The following MSL2 variants were observed in gnomAD, a reference collection of about 807,000 sequenced individuals.
MSL2 encodes the protein E3 ubiquitin-protein ligase MSL2.
A neutral mutation model predicts 35.8 loss-of-function variants in MSL2; 2 were observed. That is an observed-to-expected ratio of 0.06 (90% CI 0.02 to 0.18). The LOEUF (loss-of-function observed/expected upper bound fraction) is 0.18. MSL2 is among the 10% of genes least tolerant of loss of function. MSL2 has a pLI of 1.00. For missense variants in MSL2, 523 were observed against 706.7 expected, an observed-to-expected ratio of 0.74 and a Z score of 2.95; for synonymous variants, 296 against 255.7, an observed-to-expected ratio of 1.16 and a Z score of -1.50.
chr3:136,187,200 G>C (rs1940550071), intron 1 of MSL2, among the ~76,000 whole-genome samples: 2 of 152,152 alleles, frequency 1.3e-5, no homozygotes, highest in South Asian at 4.1e-4. Flanking sequence ...TTTATAACGA[G>C]ATAAACCCAA....
chr3:136,165,898 T>C (rs1939832806), intron 1 of MSL2, among the ~76,000 whole-genome samples: 1 of 151,984 alleles, frequency 6.6e-6, no homozygotes, highest in Non-Finnish European at 1.5e-5. Context: ...AAGAGTATAA[T>C]GGAATTGTTC....
chr3:136,154,523 TCA>T (rs949481048), intron 1 of MSL2, among the ~76,000 whole-genome samples: 1 of 149,974 alleles, frequency 6.7e-6, no homozygotes, highest in Non-Finnish European at 1.5e-5. Flanking sequence ...TTCTCATAAA[TCA>T]CACAAAGAAT....
chr3:136,177,768 C>T (rs1003943073), intron 1 of MSL2, among the ~76,000 whole-genome samples: 8 of 150,134 alleles, frequency 5.3e-5, no homozygotes, highest in Non-Finnish European at 1.2e-4. Context: ...CACTATAGCA[C>T]TTTAAATAAC....
chr3:136,192,789 T>A (rs540278035), intron 1 of MSL2, among the ~76,000 whole-genome samples: 1 of 152,324 alleles, frequency 6.6e-6, no homozygotes, highest in South Asian at 2.1e-4. Context: ...ATTATCTTCA[T>A]GAAATAAGAC....
chr3:136,162,033 G>T (rs575716419), intron 1 of MSL2, among the ~76,000 whole-genome samples: 4 of 151,816 alleles, frequency 2.6e-5, no homozygotes, highest in African/African-American at 9.7e-5. Flanking sequence ...TGCCTCCTGG[G>T]TTCAAGCAAT....
chr3:136,159,348 T>C (rs34728933), intron 1 of MSL2, among the ~76,000 whole-genome samples: 2,631 of 142,182 alleles, frequency 0.019, 135 homozygotes, highest in African/African-American at 0.067. Context: ...GAAAGGAGAG[T>C]ACTTTCTTTT....
At chr3:136,191,491 T>C (rs1940689093) in intron 1 of MSL2, among the ~76,000 whole-genome samples, 1 of 150,834 alleles carries the variant, frequency 6.6e-6, no homozygotes, top group Non-Finnish European at 1.5e-5. Context: ...AAAAAGTCTT[T>C]TCAGGCCAGG....
At chr3:136,162,295 C>T (rs1351984618) in intron 1 of MSL2, among the ~76,000 whole-genome samples, 1 of 150,162 alleles carries the variant, frequency 6.7e-6, no homozygotes, top group Non-Finnish European at 1.5e-5. Flanking sequence ...AAAAAGAGGG[C>T]TACCAGGCCA....
chr3:136,192,796 A>T (rs1940727241), intron 1 of MSL2, among the ~76,000 whole-genome samples: 1 of 152,214 alleles, frequency 6.6e-6, no homozygotes, highest in African/African-American at 2.4e-5. Context: ...TCATGAAATA[A>T]GACTGCCCAT....
chr3:136,152,310 T>C lies in MSL2; in HGVS notation c.571A>G (p.Ile191Val). The change falls in exon 2 of 2, where the codon ATC (isoleucine) becomes GTC (valine). Residue 191 changes from isoleucine to valine, a missense_variant. By Grantham distance (29) the Ile-to-Val change is conservative. Around this residue, in one of 5 missense-constraint regions of MSL2, gnomAD observed 361 missense variants for 414.6 expected, o/e 0.87. Coordinates refer to ENST00000309993, the MANE Select transcript of MSL2 (RefSeq NM_018133.4). ...CCATTATAAGTAGGCAAACCATTGA[T>C]AACAGAACTGCCAATAGCAATGCTG... Reference protein sequence around the residue: ...TLSIAIGSSVINGLPTYNGLS... With the variant: ...TLSIAIGSSVVNGLPTYNGLS... 2 of 1,614,112 alleles carry C rather than the reference T, an allele frequency of 1.2e-6. No individual in the cohort carries two copies. Among genetic ancestry groups the C allele is most frequent in the East Asian group, 2.2e-5 (1 of 44,890 alleles).
At chr3:136,170,081 T>A (rs556422365) in intron 1 of MSL2, among the ~76,000 whole-genome samples, 1 of 138,816 alleles carries the variant, frequency 7.2e-6, no homozygotes, top group Non-Finnish European at 1.5e-5. Flanking sequence ...GTGGCTCATG[T>A]CTATAATCCC....
At chr3:136,157,345 A>T (rs1939563335) in intron 1 of MSL2, among the ~76,000 whole-genome samples, 1 of 152,148 alleles carries the variant, frequency 6.6e-6, no homozygotes, top group Admixed American at 6.5e-5. Flanking sequence ...TGTCTCTACT[A>T]AAAATACAAA....
intron 1 of MSL2, among the ~76,000 whole-genome samples, chr3:136,177,680 T>TA (rs397738424): frequency 0.31 from 24,274 of 78,394 alleles, 3,168 homozygotes; most frequent in East Asian, 0.39. Flanking sequence ...CTCCGTCTCA[T>TA]AAAAAAAAAA....
chr3:136,180,776 G>A (rs1447048879), intron 1 of MSL2, among the ~76,000 whole-genome samples: 40 of 51,712 alleles, frequency 7.7e-4, no homozygotes, highest in Non-Finnish European at 6.6e-4. Context: ...GAGGGAGGGA[G>A]GGAGGGAGGG....
rs1403720215 is a variant in MSL2 at position 136,195,642 on chromosome 3, C to G, written c.-529G>C. 2 of 980,286 alleles carry G rather than the reference C, an allele frequency of 2.0e-6. No homozygotes were observed. Among genetic ancestry groups the G allele is most frequent in the Non-Finnish European group, 2.4e-6 (2 of 825,142 alleles). The allele number at this position is 980,286 out of a possible 1,614,324, so 60.7% of individuals were successfully genotyped here. A position where few individuals can be genotyped will look rare whatever the true frequency, so the allele number is the denominator to read the frequency against. On this transcript the variant is annotated 5_prime_UTR_variant, in exon 1 of 2. Coordinates refer to ENST00000309993, the MANE Select transcript of MSL2 (RefSeq NM_018133.4). ...GGCAAGGACGACGGTCGGGCAGCGG[C>G]TTCCCGGATCTAGTGCAAGACGCCG...
intron 1 of MSL2, among the ~76,000 whole-genome samples, chr3:136,184,263 T>G (rs1940448431): frequency 6.6e-6 from 1 of 151,758 alleles, no homozygotes; most frequent in Non-Finnish European, 1.5e-5. Flanking sequence ...GCCACTGCAC[T>G]TTAACCTGAA....
chr3:136,193,009 A>G lies in MSL2; in HGVS notation c.142+1963T>C, dbSNP rs567937646. 4.6e-5 allele frequency among the ~76,000 whole-genome samples: 7 copies of G among 152,328 alleles called. No homozygotes were observed. The South Asian group carries it at 6.2e-4, about 14-fold the overall frequency. On this transcript the variant is annotated intron_variant, in intron 1 of 1. Coordinates refer to ENST00000309993, the MANE Select transcript of MSL2 (RefSeq NM_018133.4). ...ATTACTGAAACCATGCCAGCTACTC[A>G]ATCATAAGGGAGAAGCAGAACTCAC... is the stretch of plus-strand genomic sequence containing the variant.
rs143663303 is a variant in MSL2 at position 136,175,973 on chromosome 3, A to C, written c.142+18999T>G. Among the ~76,000 whole-genome samples, 197 of 152,294 alleles carry C rather than the reference A, an allele frequency of 1.3e-3. 1 individual carries two copies. Among genetic ancestry groups the C allele is most frequent in the African/African-American group, 4.4e-3 (182 of 41,570 alleles). Reference sequence around the variant, plus strand: ...ATCTCTGAATTATAGCACCAAAATTAAACTCCAAAATTAAAGATGTCGAGT... The same window carrying C: ...ATCTCTGAATTATAGCACCAAAATTCAACTCCAAAATTAAAGATGTCGAGT... On this transcript the variant is annotated intron_variant, in intron 1 of 1. Coordinates refer to ENST00000309993, the MANE Select transcript of MSL2 (RefSeq NM_018133.4).
rs562607396 is a variant in MSL2, at chr3:136,183,002, G to A, written c.142+11970C>T. Among the ~76,000 whole-genome samples, 11 of 152,232 alleles carry A rather than the reference G, an allele frequency of 7.2e-5. No homozygotes were observed. The East Asian group carries it at 2.1e-3, about 29-fold the overall frequency. ...GCTGCTGCGACTCTGCTGAACAAAA[G>A]CTTAAAAACAAGCCTTGAAAGGATC... On this transcript the variant is annotated intron_variant, in intron 1 of 1. Transcript: ENST00000309993.
Sources: allele counts gnomAD v4.1 joint callset (sites outside exome capture counted in the v4.1 genomes callset), GRCh38; gene constraint gnomAD v4.1.1; regional missense constraint gnomAD v4.1.1; transcripts MANE v1.5; gene names NCBI Gene and HGNC (gene_info 2026-07-23, HGNC 2026-07-21).